The following FGF12 variants were observed in gnomAD, a reference collection of about 807,000 sequenced individuals.
The protein encoded by FGF12 is fibroblast growth factor 12, also known as fibroblast growth factor 12B.
FGF12 carries 14 observed loss-of-function variants against 23.6 expected under a neutral mutation model. The ratio of observed to expected loss-of-function variants is 0.59; its 90% CI spans 0.39 to 0.93. The LOEUF is 0.93. Among genes scored for constraint, FGF12 ranks in the 40% least tolerant of loss-of-function variants. The probability of loss-of-function intolerance (pLI) is 0.00; values close to 1 mark genes in which losing one functional copy is unlikely to be tolerated. For missense variants in FGF12, 175 were observed against 217.8 expected, an observed-to-expected ratio of 0.80 and a Z score of 1.24; for synonymous variants, 62 against 77.3, an observed-to-expected ratio of 0.80 and a Z score of 1.04.
chr3:192,531,986 C>T (rs144843304), intron 2 of FGF12, among the ~76,000 whole-genome samples: 1 of 152,180 alleles, frequency 6.6e-6, no homozygotes, highest in Non-Finnish European at 1.5e-5. Context: ...GTTTTCCCAG[C>T]AACATTTATT....
intron 2 of FGF12, among the ~76,000 whole-genome samples, chr3:192,395,910 T>C (rs1330979232): frequency 1.3e-5 from 2 of 152,156 alleles, no homozygotes; most frequent in Non-Finnish European, 2.9e-5. Context: ...AAAACATCTA[T>C]AAACTAAAAG....
chr3:192,556,695 T>G (rs1465769984), intron 2 of FGF12, among the ~76,000 whole-genome samples: 2 of 152,150 alleles, frequency 1.3e-5, no homozygotes, highest in Non-Finnish European at 2.9e-5. Context: ...AGAAACATTC[T>G]ACAGCAGAAG....
intron 4 of FGF12, among the ~76,000 whole-genome samples, chr3:192,283,788 G>A (rs192007617): frequency 9.8e-4 from 149 of 152,062 alleles, no homozygotes; most frequent in African/African-American, 3.4e-3. Flanking sequence ...GTGGTCAGTC[G>A]GGGAAGCACT....
chr3:192,549,103 G>A (rs1161786531), intron 2 of FGF12, among the ~76,000 whole-genome samples: 1 of 152,068 alleles, frequency 6.6e-6, no homozygotes. Flanking sequence ...TGTTGCTCAG[G>A]CTAAGAAATC....
chr3:192,669,531 G>A (rs1009171453), intron 2 of FGF12, among the ~76,000 whole-genome samples: 1 of 149,222 alleles, frequency 6.7e-6, no homozygotes, highest in Non-Finnish European at 1.5e-5. Flanking sequence ...AGATTGCAGG[G>A]AGGCAGAGGT....
chr3:192,647,024 A>G (rs1407768736), intron 2 of FGF12, among the ~76,000 whole-genome samples: 2 of 152,140 alleles, frequency 1.3e-5, no homozygotes, highest in Non-Finnish European at 2.9e-5. Context: ...ATTGTCTTCA[A>G]CGAGTTGTGG....
intron 2 of FGF12, among the ~76,000 whole-genome samples, chr3:192,411,263 C>T (rs747593923): frequency 1.8e-4 from 27 of 152,134 alleles, no homozygotes; most frequent in Non-Finnish European, 2.8e-4. Context: ...CTACCATGCC[C>T]GGGGGCCTGG....
intron 2 of FGF12, among the ~76,000 whole-genome samples, chr3:192,402,676 T>C (rs995339668): frequency 5.3e-5 from 8 of 152,172 alleles, no homozygotes; most frequent in African/African-American, 1.9e-4. Context: ...TTTTCTAAGA[T>C]GGGGCTATCT....
intron 2 of FGF12, among the ~76,000 whole-genome samples, chr3:192,620,758 C>T (rs1202728810): frequency 6.6e-6 from 1 of 152,106 alleles, no homozygotes; most frequent in Non-Finnish European, 1.5e-5. Context: ...TGTGAGCCCC[C>T]CAACATCAAT....
At chr3:192,558,592 T>C (rs986813707) in intron 2 of FGF12, among the ~76,000 whole-genome samples, 2 of 42,744 alleles carry the variant, frequency 4.7e-5, no homozygotes, top group Admixed American at 3.3e-4. Context: ...CTAAAATTCA[T>C]ATGAAACCAA....
intron 2 of FGF12, among the ~76,000 whole-genome samples, chr3:192,501,874 G>GC (rs910257583): frequency 6.6e-5 from 10 of 152,316 alleles, no homozygotes; most frequent in Admixed American, 1.3e-4. Flanking sequence ...TAGGGTTCAT[G>GC]CAGGCTCATT....
chr3:192,366,302 T>C (rs942408990), intron 2 of FGF12, among the ~76,000 whole-genome samples: 5 of 152,184 alleles, frequency 3.3e-5, no homozygotes, highest in African/African-American at 1.2e-4. Flanking sequence ...CCTTTGATAC[T>C]AAAATCTTCT....
At chr3:192,168,850 T>G (rs1715376767) in intron 5 of FGF12, among the ~76,000 whole-genome samples, 2 of 152,348 alleles carry the variant, frequency 1.3e-5, no homozygotes, top group Non-Finnish European at 2.9e-5. Context: ...AATGTCATAA[T>G]TTCTATGGGA....
intron 2 of FGF12, among the ~76,000 whole-genome samples, chr3:192,642,113 C>T (rs759890164): frequency 2.6e-5 from 4 of 152,264 alleles, no homozygotes; most frequent in Admixed American, 6.5e-5. Context: ...TCAAGGATAC[C>T]AAATGTCTGA....
chr3:192,557,067 G>C (rs1711812475), intron 2 of FGF12, among the ~76,000 whole-genome samples: 2 of 151,620 alleles, frequency 1.3e-5, no homozygotes, highest in Admixed American at 1.3e-4. Context: ...AGCCGTAAGA[G>C]GGAGTTTTAT....
In FGF12 at chr3:192,480,228, G is replaced by A. The variant is rs9882107; in HGVS notation, c.14-119690C>T. ...AGAATAAAGAGGAAAAAACTTAATC[G>A]TAAGACTTCGCAAAGGAACCTTACC... On this transcript the variant is annotated intron_variant, in intron 2 of 5. Transcript: ENST00000445105. Among the ~76,000 whole-genome samples the A allele has an allele frequency of 8.8e-3, 1,341 of 152,200 alleles. 17 individuals are homozygous for A. Among genetic ancestry groups the A allele is most frequent in the African/African-American group, 0.03 (1,228 of 41,540 alleles).
intron 4 of FGF12, among the ~76,000 whole-genome samples, chr3:192,290,856 TC>T (rs1356154588): frequency 9.9e-5 from 15 of 152,164 alleles, no homozygotes; most frequent in African/African-American, 3.6e-4. Context: ...TAGAATCAAT[TC>T]TGGTCTGGTA....
At chr3:192,314,363 G>A (rs574661417) in intron 4 of FGF12, among the ~76,000 whole-genome samples, 21 of 152,186 alleles carry the variant, frequency 1.4e-4, no homozygotes, top group African/African-American at 5.1e-4. Context: ...GGTTCACCAC[G>A]TGATGTAGTT....
At chr3:192,645,166 A>G (rs1715955816) in intron 2 of FGF12, among the ~76,000 whole-genome samples, 1 of 152,100 alleles carries the variant, frequency 6.6e-6, no homozygotes, top group South Asian at 2.1e-4. Flanking sequence ...GTAAGAAATA[A>G]TCCCCAAAGG....
Sources: gnomAD v4.1 joint callset for allele counts (sites outside exome capture counted in the v4.1 genomes callset) on GRCh38, gnomAD v4.1.1 for gene constraint, MANE v1.5 for transcripts, NCBI Gene and HGNC (gene_info 2026-07-23, HGNC 2026-07-21) for gene names.